ADCK1: variants seen among roughly 807,000 people sequenced by gnomAD.
The protein encoded by ADCK1 is aarF domain containing kinase 1.
Under a neutral mutation model 52.3 loss-of-function variants are expected in ADCK1, and 41 were observed. That is an observed-to-expected ratio of 0.78 (90% CI 0.61 to 1.02). ADCK1 has a LOEUF of 1.02. ADCK1 is among the 50% of genes least tolerant of loss of function. ADCK1 has a pLI of 0.00. For missense variants in ADCK1, 658 were observed against 679.5 expected, an observed-to-expected ratio of 0.97 and a Z score of 0.35; for synonymous variants, 250 against 274.6, an observed-to-expected ratio of 0.91 and a Z score of 0.89.
intron 4 of ADCK1, among the ~76,000 whole-genome samples, chr14:77,869,002 G>A (rs1484037544): frequency 6.6e-6 from 1 of 152,060 alleles, no homozygotes; most frequent in Non-Finnish European, 1.5e-5. Context: ...TGGGGGTTTG[G>A]GCTTTGAACT....
At chr14:77,924,009 C>G (rs1032539904) in intron 7 of ADCK1, 1 of 155,394 alleles carries the variant, frequency 6.4e-6, no homozygotes, top group African/African-American at 2.4e-5. Context: ...TGATCCTCAG[C>G]CCCCTCACCC....
chr14:77,805,226 AAAAG>A (rs1223225434), intron 1 of ADCK1, among the ~76,000 whole-genome samples: 2 of 149,750 alleles, frequency 1.3e-5, no homozygotes, highest in Non-Finnish European at 3.0e-5. Flanking sequence ...AAAAAAAAAA[AAAAG>A]AGTCATTTTT....
chr14:77,900,923 A>G (rs1015334393), intron 6 of ADCK1, among the ~76,000 whole-genome samples: 1 of 152,220 alleles, frequency 6.6e-6, no homozygotes, highest in African/African-American at 2.4e-5. Flanking sequence ...ATGAAGTCGC[A>G]GCTGTCAGTG....
intron 1 of ADCK1, among the ~76,000 whole-genome samples, chr14:77,807,818 T>C (rs556085320): frequency 6.6e-6 from 1 of 152,164 alleles, no homozygotes; most frequent in Non-Finnish European, 1.5e-5. Context: ...AATTTTTGTA[T>C]TTTTAGTAGA....
chr14:77,895,530 G>A (rs905498077), intron 5 of ADCK1, among the ~76,000 whole-genome samples: 1 of 152,148 alleles, frequency 6.6e-6, no homozygotes, highest in Admixed American at 6.5e-5. Flanking sequence ...TGCATTTTGG[G>A]AGAAAAATCA....
chr14:77,890,646 A>G (rs2083264148), intron 5 of ADCK1, among the ~76,000 whole-genome samples: 1 of 152,190 alleles, frequency 6.6e-6, no homozygotes, highest in East Asian at 1.9e-4. Context: ...ACGTTGTCAT[A>G]TGGGAGATCA....
chr14:77,929,656 A>G (rs974913842), intron 9 of ADCK1, among the ~76,000 whole-genome samples: 5 of 152,124 alleles, frequency 3.3e-5, no homozygotes, highest in Admixed American at 6.5e-5. Context: ...ACCCCAAGGG[A>G]TCAAGTGAAC....
chr14:77,896,996 T>A (rs2083424569), intron 5 of ADCK1, among the ~76,000 whole-genome samples: 1 of 152,182 alleles, frequency 6.6e-6, no homozygotes, highest in Admixed American at 6.5e-5. Flanking sequence ...TAGATTGATT[T>A]CTTTTGCCAA....
chr14:77,876,206 C>T (rs2082895607), intron 4 of ADCK1, among the ~76,000 whole-genome samples: 1 of 152,108 alleles, frequency 6.6e-6, no homozygotes, highest in Non-Finnish European at 1.5e-5. Flanking sequence ...GGGGAGATTC[C>T]CTTTTCTTGG....
intron 9 of ADCK1, 141 bp downstream of exon 9, chr14:77,926,102 T>C: frequency 2.0e-6 from 2 of 1,020,990 alleles, no homozygotes; most frequent in Admixed American, 2.3e-5. Context: ...TGGAGCTATA[T>C]TGGACAAGAA....
At chr14:77,838,806 C>T (rs558668781) in intron 3 of ADCK1, among the ~76,000 whole-genome samples, 3 of 152,358 alleles carry the variant, frequency 2.0e-5, no homozygotes, top group Admixed American at 2.0e-4. Context: ...TGCAGACTAT[C>T]TAAGCCACTA....
intron 3 of ADCK1, among the ~76,000 whole-genome samples, chr14:77,832,153 T>C (rs1185040522): frequency 6.6e-6 from 1 of 152,162 alleles, no homozygotes; most frequent in Non-Finnish European, 1.5e-5. Flanking sequence ...AATTTTTGTA[T>C]TTTTAGTAGA....
chr14:77,816,207 AG>A (rs1313973963), intron 1 of ADCK1, among the ~76,000 whole-genome samples: 1 of 152,088 alleles, frequency 6.6e-6, no homozygotes, highest in African/African-American at 2.4e-5. Flanking sequence ...AAGGTTCCAA[AG>A]GGAAGAGCAA....
In ADCK1 at chr14:77,832,221, G is replaced by T. The variant is rs1045504679; in HGVS notation, c.219+9703G>T. On this transcript the variant is annotated intron_variant, in intron 3 of 10. Coordinates refer to ENST00000238561, the MANE Select transcript of ADCK1 (RefSeq NM_020421.4). ...TCGAACTCCTGACCTCATATGATCC[G>T]CCCGCCTTGGCTGTAATCCCCAAAG... Among the ~76,000 whole-genome samples, 4 of 152,104 alleles carry T rather than the reference G, an allele frequency of 2.6e-5. No homozygotes were observed. The South Asian group carries it at 8.3e-4, about 32-fold the overall frequency.
intron 3 of ADCK1, among the ~76,000 whole-genome samples, chr14:77,853,305 A>T (rs1347517810): frequency 6.6e-6 from 1 of 151,244 alleles, no homozygotes; most frequent in Non-Finnish European, 1.5e-5. Flanking sequence ...TTTTATGTAG[A>T]GATGGAGTTT....
chr14:77,836,496 G>A (rs1277054685), intron 3 of ADCK1, among the ~76,000 whole-genome samples: 2 of 152,162 alleles, frequency 1.3e-5, no homozygotes, highest in African/African-American at 2.4e-5. Context: ...TTGTTCAAGC[G>A]TCCACAGCTA....
chr14:77,886,068 G>A (rs1458924370), intron 4 of ADCK1, among the ~76,000 whole-genome samples: 1 of 152,256 alleles, frequency 6.6e-6, no homozygotes, highest in African/African-American at 2.4e-5. Flanking sequence ...GAAAAAGCAA[G>A]GGGCTTTGTC....
At chr14:77,809,352 G>A (rs2081290387) in intron 1 of ADCK1, among the ~76,000 whole-genome samples, 1 of 151,642 alleles carries the variant, frequency 6.6e-6, no homozygotes, top group African/African-American at 2.4e-5. Context: ...TTTTTGAGAT[G>A]GAGTTTGGCT....
chr14:77,853,200 A>G (rs1204346456), intron 3 of ADCK1, among the ~76,000 whole-genome samples: 1 of 151,622 alleles, frequency 6.6e-6, no homozygotes, highest in Non-Finnish European at 1.5e-5. Flanking sequence ...GCTTACTGCA[A>G]CCTCTGCCTC....
Sources: allele counts gnomAD v4.1 joint callset (sites outside exome capture counted in the v4.1 genomes callset), GRCh38; gene constraint gnomAD v4.1.1; transcripts MANE v1.5; gene names NCBI Gene and HGNC (gene_info 2026-07-23, HGNC 2026-07-21).